Variants in SAMMSON observed in about 807,000 individuals in gnomAD.
SAMMSON encodes long intergenic non-protein coding RNA 1212.
At chr3:70,187,247 T>G (rs891305435) in intron 4 of SAMMSON, among the ~76,000 whole-genome samples, 10 of 152,170 alleles carry the variant, frequency 6.6e-5, no homozygotes, top group African/African-American at 2.4e-4. Context: ...GTGCCTTTTA[T>G]GGTTTCATCA....
chr3:70,258,821 C>A (rs545138709), intron 6 of SAMMSON, among the ~76,000 whole-genome samples: 1 of 151,974 alleles, frequency 6.6e-6, no homozygotes, highest in African/African-American at 2.4e-5. Flanking sequence ...TAGAAGGAGG[C>A]ACACAAAAAC....
At chr3:70,289,173 G>T (rs1280659720) in intron 6 of SAMMSON, among the ~76,000 whole-genome samples, 1 of 150,050 alleles carries the variant, frequency 6.7e-6, no homozygotes, top group East Asian at 2.0e-4. Flanking sequence ...TTTACATTTT[G>T]GCATGATTTT....
intron 4 of SAMMSON, among the ~76,000 whole-genome samples, chr3:70,100,509 A>C (rs2067339806): frequency 3.1e-5 from 2 of 63,768 alleles, no homozygotes; most frequent in African/African-American, 1.1e-4. Flanking sequence ...TATCCACTTG[A>C]AAGAGTGGGG....
intron 1 of SAMMSON, among the ~76,000 whole-genome samples, chr3:70,006,735 G>T (rs1396958921): frequency 6.6e-6 from 1 of 151,602 alleles, no homozygotes; most frequent in Non-Finnish European, 1.5e-5. Flanking sequence ...GTATACATGT[G>T]CCATGTTGGT....
intron 6 of SAMMSON, among the ~76,000 whole-genome samples, chr3:70,256,001 G>T (rs976200699): frequency 2.6e-5 from 4 of 152,206 alleles, no homozygotes; most frequent in East Asian, 1.9e-4. Flanking sequence ...TTCTCCACTG[G>T]CATTGAACCA....
At chr3:70,419,194 AT>A (rs2106773299) in intron 2 of SAMMSON, among the ~76,000 whole-genome samples, 1 of 150,478 alleles carries the variant, frequency 6.6e-6, no homozygotes, top group African/African-American at 2.5e-5. Context: ...ATGGCTAATT[AT>A]TGCGTTTTTT....
intron 3 of SAMMSON, among the ~76,000 whole-genome samples, chr3:70,022,426 C>CAAAAAAAAAAAAAAAAAA: frequency 1.1e-5 from 1 of 91,122 alleles, no homozygotes; most frequent in Non-Finnish European, 2.2e-5. Context: ...AGTATAATAA[C>CAAAAAAAAAAAAAAAAAA]AAAAAAAAAA....
intron 3 of SAMMSON, among the ~76,000 whole-genome samples, chr3:70,018,318 G>T (rs150454004): frequency 6.6e-6 from 1 of 152,134 alleles, no homozygotes; most frequent in African/African-American, 2.4e-5. Flanking sequence ...TTGGGAGGGT[G>T]TATGTGCTGA....
intron 2 of SAMMSON, among the ~76,000 whole-genome samples, chr3:70,407,717 C>A (rs1436515789): frequency 6.6e-6 from 1 of 152,178 alleles, no homozygotes; most frequent in African/African-American, 2.4e-5. Context: ...GTGTTTGCAG[C>A]TTTTCCAGGT....
chr3:70,175,359 C>T (rs1474407042), intron 4 of SAMMSON, among the ~76,000 whole-genome samples: 1 of 152,036 alleles, frequency 6.6e-6, no homozygotes, highest in Non-Finnish European at 1.5e-5. Flanking sequence ...TCAGACCAAT[C>T]AGAGTTATCA....
chr3:70,246,670 C>T (rs528751816), intron 4 of SAMMSON, among the ~76,000 whole-genome samples: 48 of 152,046 alleles, frequency 3.2e-4, no homozygotes, highest in Admixed American at 3.0e-3. Flanking sequence ...TATAGCAATA[C>T]GTGGGACACA....
chr3:70,316,051 G>A (rs985108262), intron 7 of SAMMSON, among the ~76,000 whole-genome samples: 1 of 152,026 alleles, frequency 6.6e-6, no homozygotes, highest in Non-Finnish European at 1.5e-5. Context: ...TTATAATTCT[G>A]TTCCCTTTAT....
At chr3:70,219,901 A>C (rs1220803748) in intron 4 of SAMMSON, among the ~76,000 whole-genome samples, 2 of 152,210 alleles carry the variant, frequency 1.3e-5, no homozygotes, top group Admixed American at 6.5e-5. Flanking sequence ...CCATCTAAGC[A>C]TAAGCGTTGT....
chr3:70,007,580 C>T (rs1027096104), intron 1 of SAMMSON, among the ~76,000 whole-genome samples: 3 of 151,792 alleles, frequency 2.0e-5, no homozygotes, highest in Admixed American at 2.0e-4. Flanking sequence ...AAAATTTTCT[C>T]CCATTCTGTA....
chr3:70,159,467 TCTAAA>T (rs1468784556), intron 4 of SAMMSON: 1 of 152,104 alleles, frequency 6.6e-6, no homozygotes, highest in Non-Finnish European at 1.5e-5. Context: ...TTGAGAAACT[TCTAAA>T]CTATTTTCCA....
At chr3:70,369,525 T>TA (rs1480952050) in intron 9 of SAMMSON, among the ~76,000 whole-genome samples, 1 of 151,648 alleles carries the variant, frequency 6.6e-6, no homozygotes, top group African/African-American at 2.4e-5. Flanking sequence ...ATATTCTTTT[T>TA]TTTTTTGCCA....
chr3:70,136,782 A>G (rs185255801), intron 4 of SAMMSON, among the ~76,000 whole-genome samples: 18 of 152,334 alleles, frequency 1.2e-4, no homozygotes, highest in Admixed American at 6.5e-4. Context: ...TTACTAATGC[A>G]AAGTGTAGAA....
intron 2 of SAMMSON, among the ~76,000 whole-genome samples, chr3:70,429,830 T>C (rs1701399523): frequency 6.6e-6 from 1 of 152,208 alleles, no homozygotes. Flanking sequence ...TCCTGAGACT[T>C]TGCTGAAGTT....
At chr3:70,290,926 G>A (rs902209599) in intron 6 of SAMMSON, among the ~76,000 whole-genome samples, 6 of 152,122 alleles carry the variant, frequency 3.9e-5, no homozygotes, top group Non-Finnish European at 7.4e-5. Context: ...GATGGCGCAC[G>A]GTGCGCGCAC....
Sources: gnomAD v4.1 joint callset for allele counts (sites outside exome capture counted in the v4.1 genomes callset) on GRCh38, gnomAD v4.1.1 for gene constraint, MANE v1.5 for transcripts, NCBI Gene and HGNC (gene_info 2026-07-23, HGNC 2026-07-21) for gene names.